The following SPAG16 variants were observed in gnomAD, a reference collection of about 807,000 sequenced individuals.
SPAG16 encodes the protein sperm-associated antigen 16 protein.
Under a neutral mutation model 80.4 loss-of-function variants are expected in SPAG16, and 86 were observed. That is an observed-to-expected ratio of 1.07 (90% CI 0.90 to 1.28). The LOEUF is 1.28. Ranked by LOEUF, SPAG16 falls within the 50% of genes most tolerant of loss-of-function variation. The probability of loss-of-function intolerance (pLI) is 0.00; values close to 1 mark genes in which losing one functional copy is unlikely to be tolerated. For synonymous variants in SPAG16, 294 were observed against 265.9 expected, an observed-to-expected ratio of 1.11 and a Z score of -1.03; for missense variants, 870 against 765.3, an observed-to-expected ratio of 1.14 and a Z score of -1.61.
At chr2:213,958,923 ATTTC>A (rs1193079275) in intron 12 of SPAG16, among the ~76,000 whole-genome samples, 6 of 152,126 alleles carry the variant, frequency 3.9e-5, no homozygotes, top group African/African-American at 1.4e-4. Flanking sequence ...TTTCTCGTAC[ATTTC>A]TTTCAGGGCA....
chr2:214,219,543 T>C (rs939166604), intron 15 of SPAG16, among the ~76,000 whole-genome samples: 4 of 152,122 alleles, frequency 2.6e-5, no homozygotes, highest in African/African-American at 9.6e-5. Flanking sequence ...TTATACTTTC[T>C]TACAAATACC....
chr2:213,809,089 A>G (rs1310771630), intron 10 of SPAG16, among the ~76,000 whole-genome samples: 2 of 152,188 alleles, frequency 1.3e-5, no homozygotes. Flanking sequence ...GCATGTTTTC[A>G]TTTTGGTGAA....
chr2:214,337,930 A>C (rs189434480), intron 15 of SPAG16, among the ~76,000 whole-genome samples: 2 of 152,284 alleles, frequency 1.3e-5, no homozygotes, highest in Admixed American at 1.3e-4. Flanking sequence ...CTAGCAAAGA[A>C]CTTGGATTCC....
At chr2:214,145,011 T>A (rs2055566932) in intron 14 of SPAG16, among the ~76,000 whole-genome samples, 2 of 152,078 alleles carry the variant, frequency 1.3e-5, no homozygotes, top group Admixed American at 1.3e-4. Flanking sequence ...ATCCTAAAAG[T>A]TAGGATAATG....
chr2:213,671,976 C>G (rs1432270920), intron 10 of SPAG16, among the ~76,000 whole-genome samples: 1 of 152,152 alleles, frequency 6.6e-6, no homozygotes, highest in African/African-American at 2.4e-5. Context: ...ATTTATTATG[C>G]ATCATCAGCA....
At chr2:213,402,775 C>G (rs1333182005) in intron 9 of SPAG16, among the ~76,000 whole-genome samples, 1 of 152,150 alleles carries the variant, frequency 6.6e-6, no homozygotes, top group African/African-American at 2.4e-5. Context: ...TTTATGGCTG[C>G]ATAGTATTCC....
At chr2:214,316,821 C>T (rs1182349930) in intron 15 of SPAG16, among the ~76,000 whole-genome samples, 1 of 152,056 alleles carries the variant, frequency 6.6e-6, no homozygotes, top group Non-Finnish European at 1.5e-5. Context: ...TGATATACTG[C>T]CCCCATCTTG....
chr2:214,205,813 G>T (rs1002756242), intron 15 of SPAG16, among the ~76,000 whole-genome samples: 42 of 152,058 alleles, frequency 2.8e-4, no homozygotes, highest in Admixed American at 2.6e-3. Flanking sequence ...CAGAGTAATT[G>T]CAGTATCCAT....
chr2:213,297,321 G>T lies in SPAG16; in HGVS notation c.243G>T (p.Gln81His), dbSNP rs372311566. 27 of 1,612,812 alleles carry T rather than the reference G, an allele frequency of 1.7e-5. No homozygotes were observed. The highest frequency in any genetic ancestry group is 2.3e-5 in the Non-Finnish European group (27 of 1,179,232). ...AAGAAGATCTGGCAAAAGCAATTCA[G>T]ATGGCCCAAGAACAGGCTACAGATA... The part of the protein sequence containing the change: ...EGEEDLAKAI[Q>H]MAQEQATDTE... Residue 81 changes from glutamine to histidine, a missense_variant, in exon 3 of 16, where the codon CAG becomes CAT. Coordinates refer to ENST00000331683, the MANE Select transcript of SPAG16 (RefSeq NM_024532.5).
chr2:213,662,078 T>C (rs937090284), intron 10 of SPAG16, among the ~76,000 whole-genome samples: 5 of 151,546 alleles, frequency 3.3e-5, no homozygotes, highest in African/African-American at 1.2e-4. Context: ...AAAAACCTTC[T>C]CCAGGCCAGA....
At chr2:213,940,664 T>C (rs924730850) in intron 12 of SPAG16, among the ~76,000 whole-genome samples, 1 of 151,536 alleles carries the variant, frequency 6.6e-6, no homozygotes, top group Non-Finnish European at 1.5e-5. Flanking sequence ...TTCACTACTT[T>C]ACATACATAA....
rs375220523 is a variant in SPAG16, at chr2:213,335,341, G to C, written c.537-4822G>C. The stretch of plus-strand genomic sequence containing the variant: ...TTTAAATACAGGCTTTATTGTTGTT[G>C]AAATGCAAAACTGTCCTAAATTGCA... On this transcript the variant is annotated intron_variant, in intron 5 of 15. Coordinates refer to ENST00000331683, the MANE Select transcript of SPAG16 (RefSeq NM_024532.5). 1.1e-4 allele frequency among the ~76,000 whole-genome samples: 16 copies of C among 152,196 alleles called. No homozygotes were observed. The East Asian group carries it at 2.9e-3, about 28-fold the overall frequency.
chr2:213,521,704 C>T (rs1205754681), intron 10 of SPAG16, among the ~76,000 whole-genome samples: 1 of 152,182 alleles, frequency 6.6e-6, no homozygotes, highest in Non-Finnish European at 1.5e-5. Flanking sequence ...ATCAAAAAAA[C>T]TCTTATTTTA....
intron 11 of SPAG16, among the ~76,000 whole-genome samples, chr2:213,895,389 T>C (rs538131282): frequency 6.6e-6 from 1 of 152,046 alleles, no homozygotes; most frequent in South Asian, 2.1e-4. Flanking sequence ...AAAATACCAA[T>C]GCCATTTTCA....
intron 13 of SPAG16, among the ~76,000 whole-genome samples, chr2:214,085,806 A>G (rs1450214161): frequency 6.6e-6 from 1 of 152,190 alleles, no homozygotes; most frequent in Non-Finnish European, 1.5e-5. Flanking sequence ...TTTCACAGTG[A>G]CATAGCTATC....
intron 10 of SPAG16, among the ~76,000 whole-genome samples, chr2:213,766,928 C>T (rs371366139): frequency 6.6e-6 from 1 of 152,170 alleles, no homozygotes; most frequent in Admixed American, 6.5e-5. Context: ...CTTTCTCCTG[C>T]GAGGCCTGCC....
At chr2:213,783,210 C>G (rs2070123730) in intron 10 of SPAG16, among the ~76,000 whole-genome samples, 1 of 151,102 alleles carries the variant, frequency 6.6e-6, no homozygotes, top group Non-Finnish European at 1.5e-5. Flanking sequence ...ATCCATGTCC[C>G]TACAAAGGAC....
intron 1 of SPAG16, among the ~76,000 whole-genome samples, chr2:213,286,882 C>A (rs561309814): frequency 4.0e-5 from 6 of 149,934 alleles, no homozygotes; most frequent in Non-Finnish European, 8.8e-5. Flanking sequence ...CAGCCAGGAT[C>A]CATCTTGTGG....
intron 10 of SPAG16, among the ~76,000 whole-genome samples, chr2:213,510,974 C>G (rs2075202048): frequency 6.6e-6 from 1 of 152,020 alleles, no homozygotes; most frequent in Non-Finnish European, 1.5e-5. Flanking sequence ...TTTATAAAAG[C>G]ATCTCAGTTA....
Sources: allele counts gnomAD v4.1 joint callset (sites outside exome capture counted in the v4.1 genomes callset), GRCh38; gene constraint gnomAD v4.1.1; transcripts MANE v1.5; gene names NCBI Gene and HGNC (gene_info 2026-07-23, HGNC 2026-07-21).